Variants in MPPED2 observed in about 807,000 individuals in gnomAD.
MPPED2 encodes the protein metallophosphoesterase domain containing 2.
In MPPED2, 5 loss-of-function variants were observed where a neutral mutation model predicts 33.0. The observed-to-expected ratio is 0.15, with a 90% CI of 0.08 to 0.32. MPPED2 has a LOEUF of 0.32. Among genes scored for constraint, MPPED2 ranks in the 10% least tolerant of loss-of-function variants. The probability of loss-of-function intolerance (pLI) is 1.00; values close to 1 mark genes in which losing one functional copy is unlikely to be tolerated. For synonymous variants in MPPED2, 136 were observed against 141.9 expected (o/e 0.96, Z 0.29); for missense variants, 275 against 372.1 (o/e 0.74, Z 2.15).
intron 2 of MPPED2, among the ~76,000 whole-genome samples, chr11:30,566,538 T>C (rs1270694435): frequency 6.6e-6 from 1 of 152,124 alleles, no homozygotes; most frequent in African/African-American, 2.4e-5. Context: ...TAAAGCCAAG[T>C]ACACCCTCAA....
downstream of MPPED2, among the ~76,000 whole-genome samples, chr11:30,406,390 A>G (rs1235906009): frequency 6.6e-6 from 1 of 152,202 alleles, no homozygotes; most frequent in African/African-American, 2.4e-5. Flanking sequence ...CTCTGTGACC[A>G]TGGTGATACC....
At chr11:30,476,717 C>T (rs765400109) in intron 4 of MPPED2, among the ~76,000 whole-genome samples, 29 of 152,020 alleles carry the variant, frequency 1.9e-4, no homozygotes, top group Admixed American at 3.9e-4. Flanking sequence ...TTTGACTATT[C>T]GAAATCTTTT....
chr11:30,483,063 C>T (rs1951562626), intron 4 of MPPED2, among the ~76,000 whole-genome samples: 1 of 152,152 alleles, frequency 6.6e-6, no homozygotes, highest in African/African-American at 2.4e-5. Flanking sequence ...TCTCATGGGC[C>T]TGCCTCTGAA....
chr11:30,547,419 T>G (rs1955479404), intron 2 of MPPED2, among the ~76,000 whole-genome samples: 1 of 152,222 alleles, frequency 6.6e-6, no homozygotes, highest in Admixed American at 6.5e-5. Context: ...TTTTCTAAAT[T>G]ATTACCTTTA....
chr11:30,412,982 C>T (rs1241271430), intron 6 of MPPED2, among the ~76,000 whole-genome samples: 1 of 152,168 alleles, frequency 6.6e-6, no homozygotes, highest in East Asian at 1.9e-4. Context: ...CAGGCATTCC[C>T]CCATCACTGG....
At chr11:30,546,062 T>C (rs1010153773) in intron 2 of MPPED2, among the ~76,000 whole-genome samples, 1 of 152,138 alleles carries the variant, frequency 6.6e-6, no homozygotes, top group Non-Finnish European at 1.5e-5. Flanking sequence ...TCTGGTGATC[T>C]GCCTGCCTTG....
Position 30,580,198 on chromosome 11 carries a change from T to A in MPPED2, c.128+48A>T, listed in dbSNP as rs774098945. On this transcript the variant is annotated intron_variant, in intron 2 of 6. Transcript: ENST00000358117. ...AGTGAATGCTTTTCTTTTTTTTCTT[T>A]TTATTTTCTTGATTGCTAATTTTGT... 4 of 1,584,480 alleles carry A rather than the reference T, an allele frequency of 2.5e-6. No individual in the cohort carries two copies. The East Asian group carries it at 6.7e-5, about 27-fold the overall frequency.
At chr11:30,583,020 A>G (rs1340858976) in intron 1 of MPPED2, among the ~76,000 whole-genome samples, 1 of 152,108 alleles carries the variant, frequency 6.6e-6, no homozygotes, top group Non-Finnish European at 1.5e-5. Flanking sequence ...CAGCACCTTT[A>G]CAGACAAGTC....
At chr11:30,416,286 A>T (rs1285857748) in intron 5 of MPPED2, among the ~76,000 whole-genome samples, 1 of 152,238 alleles carries the variant, frequency 6.6e-6, no homozygotes, top group African/African-American at 2.4e-5. Flanking sequence ...CCCCATCACT[A>T]AAATGTGCCA....
chr11:30,397,631 T>C (rs952343872), intron 6 of MPPED2, among the ~76,000 whole-genome samples: 2 of 152,174 alleles, frequency 1.3e-5, no homozygotes, highest in African/African-American at 4.8e-5. Flanking sequence ...TCAGGTACCA[T>C]GCTAGGCAAT....
chr11:30,542,598 C>G (rs541253858), intron 2 of MPPED2, among the ~76,000 whole-genome samples: 1 of 151,482 alleles, frequency 6.6e-6, no homozygotes, highest in Non-Finnish European at 1.5e-5. Context: ...CCACTGCACT[C>G]CAGCCTGGGT....
chr11:30,534,365 T>TTACA (rs1954696096), intron 3 of MPPED2, among the ~76,000 whole-genome samples: 1 of 152,184 alleles, frequency 6.6e-6, no homozygotes, highest in Non-Finnish European at 1.5e-5. Flanking sequence ...ATAAAGAGAT[T>TTACA]ATTGTAGAGA....
chr11:30,483,606 G>A (rs930022346), intron 4 of MPPED2, among the ~76,000 whole-genome samples: 6 of 152,156 alleles, frequency 3.9e-5, no homozygotes, highest in African/African-American at 1.4e-4. Context: ...GTTCTTCAAA[G>A]ATCAAAGCAA....
chr11:30,540,427 A>G (rs1438253390), intron 2 of MPPED2, among the ~76,000 whole-genome samples: 1 of 152,122 alleles, frequency 6.6e-6, no homozygotes, highest in Admixed American at 6.5e-5. Context: ...TATAGTACCT[A>G]TCTCCTAAGA....
At chr11:30,526,378 T>C (rs2134412433) in intron 3 of MPPED2, among the ~76,000 whole-genome samples, 1 of 152,238 alleles carries the variant, frequency 6.6e-6, no homozygotes, top group African/African-American at 2.4e-5. Flanking sequence ...TTTCTTGAAC[T>C]AGAAAGAGAA....
chr11:30,478,693 G>A (rs1222122349), intron 4 of MPPED2, among the ~76,000 whole-genome samples: 1 of 152,054 alleles, frequency 6.6e-6, no homozygotes, highest in African/African-American at 2.4e-5. Context: ...ATTCTGAGAC[G>A]CTGTAGTCAC....
chr11:30,499,335 T>C (rs191187876), intron 3 of MPPED2, among the ~76,000 whole-genome samples: 1 of 152,344 alleles, frequency 6.6e-6, no homozygotes, highest in African/African-American at 2.4e-5. Context: ...TTTCAGATTT[T>C]GGAATATTTG....
chr11:30,580,394 A>G lies in MPPED2; in HGVS notation c.-21T>C. ...GCCATCCTTCCTCCCTATAGGCATG[A>G]GCAATTCACAACTTTACAGAGCAAA... On this transcript the variant is annotated 5_prime_UTR_variant, in exon 2 of 7. Coordinates refer to ENST00000358117, the MANE Select transcript of MPPED2 (RefSeq NM_001584.3). 3 of 1,613,334 alleles carry G rather than the reference A, an allele frequency of 1.9e-6. No homozygotes were observed. Among genetic ancestry groups the G allele is most frequent in the Non-Finnish European group, 2.5e-6 (3 of 1,179,712 alleles).
intron 2 of MPPED2, among the ~76,000 whole-genome samples, chr11:30,542,070 A>C (rs1955151087): frequency 6.6e-6 from 1 of 152,230 alleles, no homozygotes; most frequent in Admixed American, 6.5e-5. Flanking sequence ...AATAAATAAC[A>C]GGTTTAAGTT....
Sources: gnomAD v4.1 joint callset for allele counts (sites outside exome capture counted in the v4.1 genomes callset) on GRCh38, gnomAD v4.1.1 for gene constraint, MANE v1.5 for transcripts, NCBI Gene and HGNC (gene_info 2026-07-23, HGNC 2026-07-21) for gene names.